The following KLHL29 variants were observed in gnomAD, a reference collection of about 807,000 sequenced individuals.
The protein encoded by KLHL29 is kelch-like protein 29.
Under a neutral mutation model 80.4 loss-of-function variants are expected in KLHL29, and 21 were observed. The ratio of observed to expected loss-of-function variants is 0.26; its 90% CI spans 0.19 to 0.38. The LOEUF is 0.38. Among genes scored for constraint, KLHL29 ranks in the 10% least tolerant of loss-of-function variants. The pLI, the probability that KLHL29 is intolerant of heterozygous loss-of-function variation, is 1.00. For missense variants in KLHL29, 867 were observed against 1,223.9 expected, an observed-to-expected ratio of 0.71 and a Z score of 4.35; for synonymous variants, 511 against 526.8, an observed-to-expected ratio of 0.97 and a Z score of 0.41.
chr2:23,700,151 T>C lies in KLHL29; in HGVS notation c.2106-3035T>C, dbSNP rs78926083. Among the ~76,000 whole-genome samples, 1,408 of 152,324 alleles carry C rather than the reference T, an allele frequency of 9.2e-3. 6 individuals carry two copies. The highest frequency in any genetic ancestry group is 0.013 in the Non-Finnish European group (916 of 68,020). On this transcript the variant is annotated intron_variant, in intron 11 of 13. Coordinates refer to ENST00000486442, the MANE Select transcript of KLHL29 (RefSeq NM_052920.2). The surrounding 1 kb of genome is among the most constrained non-coding windows in gnomAD (Gnocchi z 4.6). ...GTCTCTTTCATACACATTTAATCTT[T>C]CATTATCCAGTTGGACTCCTTCCTA...
chr2:23,576,250 A>G (rs1667839041), intron 3 of KLHL29, among the ~76,000 whole-genome samples: 1 of 150,272 alleles, frequency 6.7e-6, no homozygotes, highest in Non-Finnish European at 1.5e-5. Flanking sequence ...GGTTGCAGTG[A>G]GCCAAGATAG....
rs1302759710 is a variant in KLHL29, at chr2:23,684,216, C to T, written c.941-183C>T. Among the ~76,000 whole-genome samples, 1 of 151,744 alleles carries T rather than the reference C, an allele frequency of 6.6e-6. No homozygotes were observed. Among genetic ancestry groups the T allele is most frequent in the Non-Finnish European group, 1.5e-5 (1 of 67,994 alleles). ...GGTTATTAGCCCCTCCCAGTGGCTG[C>T]TTGTTTATGCATTATGTTTGTGACT... On this transcript the variant is annotated intron_variant, in intron 5 of 13. Transcript: ENST00000486442. The surrounding 1 kb of genome is among the most constrained non-coding windows in gnomAD (Gnocchi z 4.4).
At chr2:23,415,984 T>G (rs1312260421) in intron 1 of KLHL29, among the ~76,000 whole-genome samples, 1 of 152,096 alleles carries the variant, frequency 6.6e-6, no homozygotes, top group African/African-American at 2.4e-5. Flanking sequence ...TTGGTGACAC[T>G]ATTGGGTTGA....
rs933989967 is a variant in KLHL29 at position 23,671,117 on chromosome 2, A to T, written c.941-13282A>T. The stretch of plus-strand genomic sequence containing the variant: ...TTAGCTCCTGGCATCTGGGGTTTCC[A>T]TTTCATTTCCCTCTTTACCTAGGTA... On this transcript the variant is annotated intron_variant, in intron 5 of 13. Coordinates refer to ENST00000486442, the MANE Select transcript of KLHL29 (RefSeq NM_052920.2). Among the ~76,000 whole-genome samples the T allele has an allele frequency of 2.7e-5, 4 of 150,380 alleles. No homozygotes were observed. The East Asian group carries it at 5.9e-4, about 22-fold the overall frequency.
chr2:23,422,530 C>T (rs1401033709), intron 1 of KLHL29, among the ~76,000 whole-genome samples: 1 of 148,514 alleles, frequency 6.7e-6, no homozygotes, highest in Non-Finnish European at 1.5e-5. Context: ...CTGTGTGTGT[C>T]CATGTGTCTG....
chr2:23,560,766 G>A (rs745708251), intron 2 of KLHL29, among the ~76,000 whole-genome samples: 2 of 152,190 alleles, frequency 1.3e-5, no homozygotes, highest in Admixed American at 1.3e-4. Flanking sequence ...TGGCCACCAG[G>A]GCACAGGCCA....
intron 1 of KLHL29, among the ~76,000 whole-genome samples, chr2:23,409,503 T>G (rs1195362251): frequency 6.6e-6 from 1 of 152,206 alleles, no homozygotes; most frequent in African/African-American, 2.4e-5. Flanking sequence ...TTATGCCAGT[T>G]TGGGAAGGTT....
chr2:23,618,313 C>T lies in KLHL29; in HGVS notation c.286-20826C>T, dbSNP rs907401371. 2.6e-5 allele frequency among the ~76,000 whole-genome samples: 4 copies of T among 152,074 alleles called. 1 individual carries two copies. The highest frequency in any genetic ancestry group is 9.7e-5 in the African/African-American group (4 of 41,386). On this transcript the variant is annotated intron_variant, in intron 3 of 13. Transcript: ENST00000486442. ...CAACTTGACCAGGCCACAAGGTGCCCAGGTATTTGGGCCAAAGATGATCCT... is the reference window on the plus strand; with the variant it reads ...CAACTTGACCAGGCCACAAGGTGCCTAGGTATTTGGGCCAAAGATGATCCT...
At chr2:23,425,683 C>T (rs1177939779) in intron 1 of KLHL29, among the ~76,000 whole-genome samples, 6 of 152,208 alleles carry the variant, frequency 3.9e-5, no homozygotes, top group Admixed American at 3.3e-4. Context: ...GGCTGATCCC[C>T]GCTAAGCTGC....
At chr2:23,496,759 G>A (rs149661661) in intron 2 of KLHL29, among the ~76,000 whole-genome samples, 7 of 150,998 alleles carry the variant, frequency 4.6e-5, no homozygotes, top group Middle Eastern at 3.4e-3. Context: ...GCAATGCTTG[G>A]GGGAAAGTTA....
intron 2 of KLHL29, among the ~76,000 whole-genome samples, chr2:23,525,734 C>G (rs866648757): frequency 0.085 from 3,910 of 45,964 alleles, 290 homozygotes; most frequent in African/African-American, 0.2. Context: ...CTGCCCCCCC[C>G]CCCCACCCGA....
At chr2:23,514,570 G>A (rs949492432) in intron 2 of KLHL29, among the ~76,000 whole-genome samples, 3 of 152,242 alleles carry the variant, frequency 2.0e-5, no homozygotes, top group Non-Finnish European at 4.4e-5. Flanking sequence ...AACAGCTGAT[G>A]ACAGAATTCT....
chr2:23,439,751 T>C (rs1305616295), intron 1 of KLHL29, among the ~76,000 whole-genome samples: 3 of 151,092 alleles, frequency 2.0e-5, no homozygotes, highest in Non-Finnish European at 3.0e-5. Context: ...AATTTTGGAA[T>C]AGGTGTGGTG....
In KLHL29 at chr2:23,695,516, A is replaced by G. The variant is rs1572517584; in HGVS notation, c.1543-107A>G. On this transcript the variant is annotated intron_variant, in intron 8 of 13. Transcript: ENST00000486442. This position sits in a 1 kb window ranked among gnomAD's most constrained non-coding sequence, Gnocchi z 7.6. ...GAGTATCTACACTCCCAAGCCTAAC[A>G]CAGCCTGGAATTATCCATTCTTGTG... is the stretch of plus-strand genomic sequence containing the variant. 1 of 793,478 alleles carries G rather than the reference A, an allele frequency of 1.3e-6. No homozygotes were observed. Among genetic ancestry groups the G allele is most frequent in the South Asian group, 1.8e-5 (1 of 55,060 alleles). 49.2% of individuals were successfully genotyped at this position (793,478 alleles called of 1,614,324 possible). A position where few individuals can be genotyped will look rare whatever the true frequency, so the allele number is the denominator to read the frequency against.
At chr2:23,492,008 C>T (rs984795296) in intron 2 of KLHL29, among the ~76,000 whole-genome samples, 1 of 152,230 alleles carries the variant, frequency 6.6e-6, no homozygotes, top group African/African-American at 2.4e-5. Flanking sequence ...CCAACTGGCA[C>T]CTGAGCAACC....
At chr2:23,465,782 G>T (rs559422130) in intron 1 of KLHL29, among the ~76,000 whole-genome samples, 1 of 152,096 alleles carries the variant, frequency 6.6e-6, no homozygotes, top group African/African-American at 2.4e-5. Context: ...CCAGGACCCC[G>T]CTTAAGCCCT....
chr2:23,435,806 G>A (rs1473882907), intron 1 of KLHL29, among the ~76,000 whole-genome samples: 1 of 152,050 alleles, frequency 6.6e-6, no homozygotes, highest in Non-Finnish European at 1.5e-5. Context: ...TCAAGGCCTG[G>A]TGAGGTGTTT....
chr2:23,409,522 C>T (rs963224400), intron 1 of KLHL29, among the ~76,000 whole-genome samples: 5 of 152,210 alleles, frequency 3.3e-5, no homozygotes, highest in African/African-American at 1.2e-4. Context: ...TTGTTTTTCT[C>T]CCACTTGAAA....
At chr2:23,405,066 T>C (rs1379142893) in intron 1 of KLHL29, among the ~76,000 whole-genome samples, 2 of 152,182 alleles carry the variant, frequency 1.3e-5, no homozygotes, top group Non-Finnish European at 2.9e-5. Flanking sequence ...GGAGAACAAA[T>C]ACTGGAGTAT....
Sources: gnomAD v4.1 joint callset for allele counts (sites outside exome capture counted in the v4.1 genomes callset) on GRCh38, gnomAD v4.1.1 for gene constraint, Gnocchi (gnomAD v3.1) non-coding constraint, MANE v1.5 for transcripts, NCBI Gene and HGNC (gene_info 2026-07-23, HGNC 2026-07-21) for gene names.